Variants in NRXN1 observed in about 807,000 individuals in gnomAD.
NRXN1 encodes neurexin-1.
Under a neutral mutation model 150.9 loss-of-function variants are expected in NRXN1, and 39 were observed. That is an observed-to-expected ratio of 0.26 (90% confidence interval 0.20 to 0.34). The LOEUF is 0.34. NRXN1 is among the 10% of genes least tolerant of loss of function. NRXN1 has a pLI of 1.00. For missense variants in NRXN1, 1,815 were observed against 1,949.9 expected, an observed-to-expected ratio of 0.93 and a Z score of 1.30; for synonymous variants, 924 against 757.0, an observed-to-expected ratio of 1.22 and a Z score of -3.62.
chr2:50,510,006 G>A (rs1266135506), intron 12 of NRXN1, among the ~76,000 whole-genome samples: 1 of 152,108 alleles, frequency 6.6e-6, no homozygotes, highest in Non-Finnish European at 1.5e-5. Flanking sequence ...GAAGGTGGCT[G>A]CCTACCAGCC....
intron 18 of NRXN1, among the ~76,000 whole-genome samples, chr2:50,161,192 T>C (rs570027943): frequency 7.2e-5 from 11 of 152,184 alleles, no homozygotes; most frequent in Non-Finnish European, 1.6e-4. Context: ...CCCATCTGCA[T>C]AATGCATTTA....
intron 15 of NRXN1, among the ~76,000 whole-genome samples, chr2:50,488,880 A>C (rs1431471195): frequency 6.6e-6 from 1 of 151,854 alleles, no homozygotes; most frequent in Admixed American, 6.6e-5. Context: ...ACGCATCACC[A>C]CTCCTGGCAT....
At chr2:50,379,617 G>A (rs1267379267) in intron 17 of NRXN1, among the ~76,000 whole-genome samples, 1 of 152,058 alleles carries the variant, frequency 6.6e-6, no homozygotes, top group African/African-American at 2.4e-5. Context: ...GAGAGGCTCT[G>A]CAGTCCCACA....
intron 18 of NRXN1, among the ~76,000 whole-genome samples, chr2:50,125,620 C>T (rs1176238817): frequency 1.3e-5 from 2 of 151,918 alleles, no homozygotes; most frequent in Admixed American, 1.3e-4. Flanking sequence ...AAGATCTTGG[C>T]TTTAATATTA....
intron 5 of NRXN1, among the ~76,000 whole-genome samples, chr2:50,655,556 C>T (rs925031797): frequency 6.6e-6 from 1 of 151,910 alleles, no homozygotes; most frequent in African/African-American, 2.4e-5. Flanking sequence ...TGTTAAAAAG[C>T]CTCAGCGCTG....
intron 5 of NRXN1, among the ~76,000 whole-genome samples, chr2:50,682,545 G>A (rs1392529619): frequency 2.0e-5 from 3 of 152,082 alleles, no homozygotes; most frequent in Non-Finnish European, 2.9e-5. Context: ...CGAAAGGTAG[G>A]GTAATATTTT....
intron 18 of NRXN1, among the ~76,000 whole-genome samples, chr2:50,149,244 T>C (rs1220805628): frequency 6.6e-6 from 1 of 151,726 alleles, no homozygotes; most frequent in Non-Finnish European, 1.5e-5. Flanking sequence ...TTGCGCTGCC[T>C]GCTTATGAAA....
At chr2:50,283,000 C>T (rs942755225) in intron 17 of NRXN1, among the ~76,000 whole-genome samples, 7 of 152,136 alleles carry the variant, frequency 4.6e-5, no homozygotes, top group African/African-American at 9.7e-5. Flanking sequence ...AATAATTTAT[C>T]TGTATAATGG....
intron 17 of NRXN1, among the ~76,000 whole-genome samples, chr2:50,335,463 T>C (rs1376713995): frequency 6.6e-6 from 1 of 152,154 alleles, no homozygotes; most frequent in Non-Finnish European, 1.5e-5. Flanking sequence ...CAGAGTTGAT[T>C]GGGCAAAAAA....
intron 5 of NRXN1, among the ~76,000 whole-genome samples, chr2:50,796,973 G>A: frequency 6.6e-6 from 1 of 152,112 alleles, no homozygotes. Context: ...TGCATTCCCA[G>A]AAGGGAGGAC....
At chr2:50,681,246 T>G (rs1439676802) in intron 5 of NRXN1, among the ~76,000 whole-genome samples, 1 of 152,262 alleles carries the variant, frequency 6.6e-6, no homozygotes, top group Non-Finnish European at 1.5e-5. Flanking sequence ...AAAACTGTGT[T>G]GTTCTCACTT....
In NRXN1 at chr2:50,487,191, G is replaced by A. The variant is rs187615295; in HGVS notation, c.3070+8714C>T. 5.9e-5 allele frequency among the ~76,000 whole-genome samples: 9 copies of A among 152,216 alleles called. 1 individual carries two copies. Among genetic ancestry groups the A allele is most frequent in the African/African-American group, 2.2e-4 (9 of 41,504 alleles). ...CCTAGTAAAGGTAGATGAGGATGATGGTGATGATGATGGTGATAGTGATAT... is the reference window on the plus strand; with the variant it reads ...CCTAGTAAAGGTAGATGAGGATGATAGTGATGATGATGGTGATAGTGATAT... On this transcript the variant is annotated intron_variant, in intron 15 of 22. Transcript: ENST00000401669.
intron 17 of NRXN1, among the ~76,000 whole-genome samples, chr2:50,248,283 G>C (rs1002357492): frequency 1.3e-5 from 2 of 152,082 alleles, no homozygotes; most frequent in African/African-American, 4.8e-5. Context: ...TGAAGTGCTG[G>C]GATTCTGGGT....
chr2:50,628,123 T>C (rs1231759253), intron 5 of NRXN1, among the ~76,000 whole-genome samples: 1 of 151,774 alleles, frequency 6.6e-6, no homozygotes, highest in Non-Finnish European at 1.5e-5. Flanking sequence ...TCTTGTATCA[T>C]TCCAAATCTG....
rs1364964861 is a variant in NRXN1, at chr2:50,329,669, ATATATTT to A, written c.3365-92706_3365-92700del. The stretch of plus-strand genomic sequence containing the variant: ...TATATATATATATATATATATATAT[ATATATTT>A]TTTTTTTTCCCCCCCGAGACGGAGT... On this transcript the variant is annotated intron_variant, in intron 17 of 22. Coordinates refer to ENST00000401669, the MANE Select transcript of NRXN1 (RefSeq NM_001330078.2). Among the ~76,000 whole-genome samples, 36 of 22,422 alleles carry A rather than the reference ATATATTT, an allele frequency of 1.6e-3. 2 individuals are homozygous for A. Among genetic ancestry groups the A allele is most frequent in the African/African-American group, 5.6e-3 (24 of 4,276 alleles). The allele number at this position is 22,422 out of a possible 152,430, so 14.7% of individuals were successfully genotyped here.
At chr2:50,014,182 G>A (rs745654159) in intron 21 of NRXN1, among the ~76,000 whole-genome samples, 1 of 151,580 alleles carries the variant, frequency 6.6e-6, no homozygotes, top group African/African-American at 2.4e-5. Flanking sequence ...TTGAAGTCTT[G>A]GTGGGGACAT....
intron 5 of NRXN1, among the ~76,000 whole-genome samples, chr2:50,674,683 GGAGAT>G (rs1367568204): frequency 6.6e-6 from 1 of 152,052 alleles, no homozygotes; most frequent in East Asian, 1.9e-4. Flanking sequence ...ACTTACACAT[GGAGAT>G]GAGACAGTGG....
intron 8 of NRXN1, among the ~76,000 whole-genome samples, chr2:50,566,641 T>G (rs1430989604): frequency 6.6e-6 from 1 of 152,172 alleles, no homozygotes; most frequent in Non-Finnish European, 1.5e-5. Context: ...AACAAACTTC[T>G]ACGTCTCATG....
intron 15 of NRXN1, among the ~76,000 whole-genome samples, chr2:50,474,683 C>CA (rs754558377): frequency 0.52 from 28,691 of 54,732 alleles, 8,248 homozygotes; most frequent in Non-Finnish European, 0.54. Context: ...ACAGAAATAG[C>CA]AAAAAAAAAA....
Sources: gnomAD v4.1 joint callset for allele counts (sites outside exome capture counted in the v4.1 genomes callset) on GRCh38, gnomAD v4.1.1 for gene constraint, MANE v1.5 for transcripts, NCBI Gene and HGNC (gene_info 2026-07-23, HGNC 2026-07-21) for gene names.